Variants in ST18 observed in about 807,000 individuals in gnomAD.
ST18 encodes the protein ST18 C2H2C-type zinc finger transcription factor, also known as suppression of tumorigenicity 18 protein.
Under a neutral mutation model 110.0 loss-of-function variants are expected in ST18, and 50 were observed. The observed-to-expected ratio is 0.45, with a 90% CI of 0.36 to 0.58. The LOEUF is 0.58. Among genes scored for constraint, ST18 ranks in the 20% least tolerant of loss-of-function variants. The pLI, the probability that ST18 is intolerant of heterozygous loss-of-function variation, is 0.00. For synonymous variants in ST18, 461 were observed against 452.4 expected (o/e 1.02, Z -0.24); for missense variants, 1,306 against 1,280.1 (o/e 1.02, Z -0.31).
chr8:52,353,473 G>T (rs1564558883), intron 2 of ST18, among the ~76,000 whole-genome samples: 2 of 152,168 alleles, frequency 1.3e-5, no homozygotes, highest in East Asian at 1.9e-4. Flanking sequence ...AGAAAGTGTT[G>T]CCTTTGCTGC....
intron 8 of ST18, among the ~76,000 whole-genome samples, chr8:52,195,585 C>A (rs2075943648): frequency 6.6e-6 from 1 of 151,952 alleles, no homozygotes; most frequent in African/African-American, 2.4e-5. Flanking sequence ...TTAAAATAAT[C>A]TTAAAAAAAC....
chr8:52,159,350 C>T (rs188068321), intron 14 of ST18, among the ~76,000 whole-genome samples: 40 of 151,964 alleles, frequency 2.6e-4, no homozygotes, highest in African/African-American at 7.7e-4. Context: ...TTTGTATTTA[C>T]GCTTCTTATG....
At chr8:52,210,910 T>C (rs1177303516) in intron 8 of ST18, among the ~76,000 whole-genome samples, 1 of 152,174 alleles carries the variant, frequency 6.6e-6, no homozygotes, top group Non-Finnish European at 1.5e-5. Flanking sequence ...CTCAGTTGCC[T>C]GGAGAAAGAA....
intron 15 of ST18, among the ~76,000 whole-genome samples, chr8:52,158,068 C>A (rs1261522750): frequency 6.6e-6 from 1 of 152,252 alleles, no homozygotes; most frequent in Non-Finnish European, 1.5e-5. Context: ...CCTGCTCCAG[C>A]TGACAGCAGG....
chr8:52,405,607 A>G (rs1844202476), intron 2 of ST18: 1 of 152,206 alleles, frequency 6.6e-6, no homozygotes, highest in Non-Finnish European at 1.5e-5. Flanking sequence ...ATTAATTTTA[A>G]TAACACAAGG....
intron 2 of ST18, among the ~76,000 whole-genome samples, chr8:52,292,091 T>C (rs1024011137): frequency 6.6e-6 from 1 of 152,180 alleles, no homozygotes; most frequent in African/African-American, 2.4e-5. Flanking sequence ...TTACTGAAAA[T>C]CTCTAAAGTA....
chr8:52,213,933 A>G (rs2083137397), intron 7 of ST18, among the ~76,000 whole-genome samples: 1 of 152,228 alleles, frequency 6.6e-6, no homozygotes, highest in African/African-American at 2.4e-5. Flanking sequence ...GCTGAACCTT[A>G]TGCTGTTTTG....
chr8:52,392,822 G>A (rs55893319), intron 2 of ST18, among the ~76,000 whole-genome samples: 20,051 of 152,180 alleles, frequency 0.13, 1,783 homozygotes, highest in South Asian at 0.22. Context: ...TGCAGAAGGC[G>A]ACCAATCAAA....
At chr8:52,397,607 T>G (rs1484106531) in intron 2 of ST18, among the ~76,000 whole-genome samples, 1 of 152,212 alleles carries the variant, frequency 6.6e-6, no homozygotes, top group Non-Finnish European at 1.5e-5. Context: ...TTTAGGCCTT[T>G]TATCCATTTT....
At chr8:52,380,559 T>C (rs947870540) in intron 2 of ST18, among the ~76,000 whole-genome samples, 7 of 152,128 alleles carry the variant, frequency 4.6e-5, no homozygotes, top group African/African-American at 1.7e-4. Flanking sequence ...CTCCTCTCCC[T>C]AGCACTCCCT....
At chr8:52,208,031 G>A (rs2080733103) in intron 8 of ST18, among the ~76,000 whole-genome samples, 2 of 152,190 alleles carry the variant, frequency 1.3e-5, no homozygotes, top group Non-Finnish European at 2.9e-5. Flanking sequence ...GACTGGAAAT[G>A]CTAATAAGAA....
intron 16 of ST18, among the ~76,000 whole-genome samples, chr8:52,143,287 C>T (rs1191453508): frequency 2.6e-5 from 4 of 152,286 alleles, no homozygotes; most frequent in African/African-American, 7.2e-5. Flanking sequence ...GAGATTGAGA[C>T]CATCCTGGCC....
chr8:52,268,154 C>A (rs2094934888), intron 2 of ST18, among the ~76,000 whole-genome samples: 1 of 152,140 alleles, frequency 6.6e-6, no homozygotes, highest in East Asian at 1.9e-4. Context: ...TAAAATGAAT[C>A]CTCATCCTTC....
In ST18 at chr8:52,184,992, G is replaced by T. The variant is rs555753774; in HGVS notation, c.87-4680C>A. 1.6e-4 allele frequency among the ~76,000 whole-genome samples: 25 copies of T among 152,074 alleles called. No individual in the cohort carries two copies. The South Asian group carries it at 2.5e-3, about 15-fold the overall frequency. On this transcript the variant is annotated intron_variant, in intron 8 of 25. Transcript: ENST00000689386. ...ACAGAAAAGAAACAAAGTAACAAAG[G>T]TATGATGATTGAAAAAGAAAAAATT... is the stretch of plus-strand genomic sequence containing the variant.
At chr8:52,333,170 T>A (rs2140098649) in intron 2 of ST18, among the ~76,000 whole-genome samples, 1 of 152,196 alleles carries the variant, frequency 6.6e-6, no homozygotes, top group Admixed American at 6.5e-5. Context: ...TAAAGTGAGA[T>A]ACATATTTGA....
At chr8:52,381,718 C>T (rs765054952) in intron 2 of ST18, among the ~76,000 whole-genome samples, 6 of 152,128 alleles carry the variant, frequency 3.9e-5, no homozygotes, top group South Asian at 2.1e-4. Context: ...TCAATTAATA[C>T]TGAGCACTGA....
At chr8:52,376,972 C>T (rs1164641632) in intron 2 of ST18, among the ~76,000 whole-genome samples, 1 of 152,106 alleles carries the variant, frequency 6.6e-6, no homozygotes, top group Non-Finnish European at 1.5e-5. Flanking sequence ...AATGTGAAAC[C>T]ATATATCTTA....
intron 2 of ST18, among the ~76,000 whole-genome samples, chr8:52,326,553 A>C (rs1806512494): frequency 6.6e-6 from 1 of 152,198 alleles, no homozygotes; most frequent in Non-Finnish European, 1.5e-5. Flanking sequence ...GGCTATAGGC[A>C]TATTATAAAT....
intron 2 of ST18, among the ~76,000 whole-genome samples, chr8:52,355,545 T>C (rs954780485): frequency 6.6e-6 from 1 of 152,218 alleles, no homozygotes; most frequent in Admixed American, 6.5e-5. Flanking sequence ...TAGGGCTCTA[T>C]TCATCCACAA....
Sources: allele counts gnomAD v4.1 joint callset (sites outside exome capture counted in the v4.1 genomes callset), GRCh38; gene constraint gnomAD v4.1.1; transcripts MANE v1.5; gene names NCBI Gene and HGNC (gene_info 2026-07-23, HGNC 2026-07-21).